The following TEX29 variants were observed in gnomAD, a reference collection of about 807,000 sequenced individuals.
The protein encoded by TEX29 is testis-expressed protein 29.
In TEX29, 26 loss-of-function variants were observed where a neutral mutation model predicts 18.2. That is an observed-to-expected ratio of 1.43 (90% CI 1.04 to 1.98). TEX29 has a LOEUF of 1.98. Among genes scored for constraint, TEX29 ranks in the 30% most tolerant of loss-of-function variants. The pLI is 0.00. For missense variants in TEX29, 177 were observed against 194.2 expected (o/e 0.91, Z 0.53); for synonymous variants, 83 against 78.5 (o/e 1.06, Z -0.31).
At chr13:111,317,011 C>T (rs1260387676), upstream of TEX29, among the ~76,000 whole-genome samples, 10 of 152,272 alleles carry the variant, frequency 6.6e-5, no homozygotes, top group South Asian at 2.1e-4. Flanking sequence ...ACCACCCCCA[C>T]GGTCCAATCA....
At chr13:111,320,983 T>TGGGGGGGGGGGGGGGGGGGGGGGGGG in intron 2 of TEX29, 35 bp downstream of exon 2, 1 of 193,520 alleles carries the variant, frequency 5.2e-6, no homozygotes, top group Non-Finnish European at 9.0e-6. Flanking sequence ...GCGGGTGGGG[T>TGGGGGGGGGGGGGGGGGGGGGGGGGG]GGGGGAGCAG....
At chr13:111,344,039 A>C in intron 5 of TEX29, 44 bp from the exon 6 acceptor site, 1 of 1,514,232 alleles carries the variant, frequency 6.6e-7, no homozygotes, top group Non-Finnish European at 9.2e-7. Context: ...GGGACTGCTG[A>C]ATATTCCATT....
At chr13:111,332,038 C>T (rs1196800117) in intron 3 of TEX29, among the ~76,000 whole-genome samples, 2 of 152,054 alleles carry the variant, frequency 1.3e-5, no homozygotes, top group African/African-American at 4.8e-5. Flanking sequence ...TTATGGGTCC[C>T]TTGCATTTCC....
chr13:111,316,613 G>T (rs2093655073), upstream of TEX29, among the ~76,000 whole-genome samples: 1 of 152,238 alleles, frequency 6.6e-6, no homozygotes, highest in Non-Finnish European at 1.5e-5. Context: ...TGTCCACAGT[G>T]GCTGAGAACA....
rs762738224 is a variant in TEX29, at chr13:111,342,902, C to T, written c.386C>T (p.Ser129Leu). Reference protein sequence around the residue: ...ASPGPPSAGPSMKSDEDKDDV... With the variant: ...ASPGPPSAGPLMKSDEDKDDV... Reference sequence around the variant, plus strand: ...CCTGGGCCTCCAAGTGCTGGGCCCTCGATGAAGAGTGACGAGGATAAGGAT... The same window carrying T: ...CCTGGGCCTCCAAGTGCTGGGCCCTTGATGAAGAGTGACGAGGATAAGGAT... The change falls in exon 5 of 6, where the codon TCG becomes TTG. Residue 129 changes from serine to leucine, a missense_variant. Ser to Leu is a moderately radical substitution (Grantham distance 145). Transcript: ENST00000283547. 5.0e-6 allele frequency: 8 copies of T among 1,614,070 alleles called. No individual in the cohort carries two copies. Among genetic ancestry groups the T allele is most frequent in the East Asian group, 4.5e-5 (2 of 44,868 alleles).
chr13:111,328,332 G>GGTAGCTGGTGACC lies in TEX29; in HGVS notation c.169+40_169+52dup, dbSNP rs1397796428. 4 of 1,460,784 alleles carry GGTAGCTGGTGACC rather than the reference G, an allele frequency of 2.7e-6. No homozygotes were observed. The South Asian group carries it at 4.6e-5, about 17-fold the overall frequency. The allele number at this position is 1,460,784 out of a possible 1,614,324, so 90.5% of individuals were successfully genotyped here. On this transcript the variant is annotated intron_variant, in intron 3 of 5. Coordinates refer to ENST00000283547, the MANE Select transcript of TEX29 (RefSeq NM_152324.3). ...CCGGCCACCCCGTGGCGGAAGCCGA[G>GGTAGCTGGTGACC]GTAGCTGGTGACCATGCCGACCACT...
At chr13:111,335,742 C>G (rs2093688715) in intron 3 of TEX29, among the ~76,000 whole-genome samples, 1 of 152,192 alleles carries the variant, frequency 6.6e-6, no homozygotes, top group African/African-American at 2.4e-5. Flanking sequence ...CAATCTTCTC[C>G]ATATAATGAT....
upstream of TEX29, among the ~76,000 whole-genome samples, chr13:111,318,526 G>A (rs1195940742): frequency 6.6e-6 from 1 of 152,220 alleles, no homozygotes; most frequent in East Asian, 1.9e-4. Context: ...CTCCCTGTGA[G>A]TCTGGGGCAG....
At chr13:111,327,900 G>A (rs187704446) in intron 2 of TEX29, among the ~76,000 whole-genome samples, 4 of 152,334 alleles carry the variant, frequency 2.6e-5, no homozygotes, top group Admixed American at 6.5e-5. Flanking sequence ...GGGCTCTGTC[G>A]TGCGCCGTGC....
At chr13:111,338,396 C>G (rs868154982) in intron 3 of TEX29, among the ~76,000 whole-genome samples, 1 of 152,132 alleles carries the variant, frequency 6.6e-6, no homozygotes, top group Non-Finnish European at 1.5e-5. Flanking sequence ...GAGGACCCTT[C>G]CCGGGAGCCT....
At chr13:111,329,282 A>G (rs1244807421) in intron 3 of TEX29, among the ~76,000 whole-genome samples, 1 of 151,996 alleles carries the variant, frequency 6.6e-6, no homozygotes, top group East Asian at 1.9e-4. Context: ...GTGGCTGATG[A>G]GCTCTCACAG....
chr13:111,342,718 T>C (rs2093698560), intron 4 of TEX29, 38 bp from the exon 5 acceptor site: 7 of 1,597,556 alleles, frequency 4.4e-6, no homozygotes, highest in Non-Finnish European at 5.1e-6. Flanking sequence ...TTTCCATCTG[T>C]AACTTCCCTG....
At chr13:111,317,988 A>C (rs1319596745), upstream of TEX29, among the ~76,000 whole-genome samples, 1 of 152,212 alleles carries the variant, frequency 6.6e-6, no homozygotes, top group Non-Finnish European at 1.5e-5. Context: ...ACATCGGCAA[A>C]GACCCTATTT....
At chr13:111,337,976 CCT>C (rs922468794) in intron 3 of TEX29, among the ~76,000 whole-genome samples, 33 of 152,272 alleles carry the variant, frequency 2.2e-4, no homozygotes, top group African/African-American at 7.2e-4. Context: ...GCTTCAATCC[CCT>C]CTCAGTTTTC....
At chr13:111,330,787 A>G (rs1467391090) in intron 3 of TEX29, among the ~76,000 whole-genome samples, 1 of 152,098 alleles carries the variant, frequency 6.6e-6, no homozygotes, top group Non-Finnish European at 1.5e-5. Flanking sequence ...CTTCCGTATT[A>G]TGGACATTTC....
At chr13:111,317,011 C>A (rs1260387676), upstream of TEX29, among the ~76,000 whole-genome samples, 1 of 152,154 alleles carries the variant, frequency 6.6e-6, no homozygotes, top group African/African-American at 2.4e-5. Context: ...ACCACCCCCA[C>A]GGTCCAATCA....
intron 3 of TEX29, among the ~76,000 whole-genome samples, chr13:111,334,870 G>A (rs923600220): frequency 6.6e-6 from 1 of 152,200 alleles, no homozygotes; most frequent in African/African-American, 2.4e-5. Context: ...GTCCCACCCT[G>A]TTCTGCCCGC....
chr13:111,334,295 A>G (rs1392035140), intron 3 of TEX29, among the ~76,000 whole-genome samples: 2 of 152,202 alleles, frequency 1.3e-5, no homozygotes, highest in Non-Finnish European at 1.5e-5. Context: ...AACTCAGTAA[A>G]GTCTTTATTC....
chr13:111,339,054 G>T (rs900077933), intron 3 of TEX29, among the ~76,000 whole-genome samples: 1 of 152,180 alleles, frequency 6.6e-6, no homozygotes, highest in African/African-American at 2.4e-5. Context: ...AGGCTCAGGA[G>T]GGGGCTGAGC....
Sources: gnomAD v4.1 joint callset for allele counts (sites outside exome capture counted in the v4.1 genomes callset) on GRCh38, gnomAD v4.1.1 for gene constraint, MANE v1.5 for transcripts, NCBI Gene and HGNC (gene_info 2026-07-23, HGNC 2026-07-21) for gene names.